HYLS1: variants seen among roughly 807,000 people sequenced by gnomAD.
The protein encoded by HYLS1 is centriolar and ciliogenesis-associated protein HYLS1.
Under a neutral mutation model 29.4 loss-of-function variants are expected in HYLS1, and 25 were observed. That is an observed-to-expected ratio of 0.85 (90% CI 0.62 to 1.19). The LOEUF is 1.19. HYLS1 is among the 50% of genes most tolerant of loss of function. The pLI is 0.00. For synonymous variants in HYLS1, 128 were observed against 126.7 expected (o/e 1.01, Z -0.07); for missense variants, 352 against 365.1 (o/e 0.96, Z 0.29).
At chr11:125,898,896 T>G (rs1441457390) in intron 2 of HYLS1, among the ~76,000 whole-genome samples, 2 of 152,106 alleles carry the variant, frequency 1.3e-5, no homozygotes, top group Non-Finnish European at 2.9e-5. Flanking sequence ...TTATTTAACT[T>G]CCCTGTGCCT....
rs35681508 is a variant in HYLS1 at position 125,895,633 on chromosome 11, G to A, written c.-25-3711G>A. The stretch of plus-strand genomic sequence containing the variant: ...CTAGCACTGAAGCTTGGTTCTACAG[G>A]GGCCCAGGCCAATATACGGATGTCT... On this transcript the variant is annotated intron_variant, in intron 2 of 2. Coordinates refer to ENST00000425380, the MANE Select transcript of HYLS1 (RefSeq NM_001134793.2). 0.033 allele frequency: 53,810 copies of A among 1,614,158 alleles called. 1,062 individuals are homozygous for A. Among genetic ancestry groups the A allele is most frequent in the Non-Finnish European group, 0.039 (46,164 of 1,180,002 alleles).
upstream of HYLS1, among the ~76,000 whole-genome samples, chr11:125,884,414 C>A (rs978830515): frequency 1.4e-5 from 2 of 146,226 alleles, no homozygotes; most frequent in East Asian, 4.0e-4. Flanking sequence ...TCGAGACCAT[C>A]CTGGCTAACA....
intron 1 of HYLS1, among the ~76,000 whole-genome samples, chr11:125,888,700 G>C (rs1198235834): frequency 6.6e-6 from 1 of 150,828 alleles, no homozygotes; most frequent in Admixed American, 6.6e-5. Flanking sequence ...ACCCGGGAGG[G>C]AGAGGTTGCA....
At chr11:125,894,813 C>T (rs1176487166) in intron 2 of HYLS1, among the ~76,000 whole-genome samples, 1 of 152,124 alleles carries the variant, frequency 6.6e-6, no homozygotes, top group African/African-American at 2.4e-5. Context: ...AACAGTAATA[C>T]CTCTTAACAT....
intron 2 of HYLS1, chr11:125,893,593 G>C (rs1173670200): frequency 2.1e-6 from 1 of 481,770 alleles, no homozygotes; most frequent in East Asian, 3.3e-5. Flanking sequence ...CTTTTGGACC[G>C]GGATAAGAGA....
rs779783404 is a variant in HYLS1 at position 125,900,067 on chromosome 11, T to A, written c.699T>A (p.His233Gln). Residue 233 changes from histidine to glutamine, a missense_variant, in exon 3 of 3, where the codon CAT becomes CAA. Transcript: ENST00000425380. ...WDSIRLPGED[H>Q]RKELRWGVRE... Reference sequence around the variant, plus strand: ...CAATACGTTTACCTGGTGAAGATCATAGAAAGGAATTACGCTGGGGTGTCC... The same window carrying A: ...CAATACGTTTACCTGGTGAAGATCAAAGAAAGGAATTACGCTGGGGTGTCC... The A allele has an allele frequency of 6.2e-7, 1 of 1,614,020 alleles. No individual in the cohort carries two copies. Among genetic ancestry groups the A allele is most frequent in the African/African-American group, 1.3e-5 (1 of 74,904 alleles).
chr11:125,887,247 C>T (rs1323072575), upstream of HYLS1: 1 of 152,456 alleles, frequency 6.6e-6, no homozygotes, highest in African/African-American at 2.4e-5. Context: ...ACTGGCCCCG[C>T]AGCAGCCAGT....
At position 125,900,247 on chromosome 11, in the gene HYLS1, C is replaced by A; in HGVS notation, c.879C>A (p.Pro293=). The part of the protein sequence containing the change: ...LANGVIPRKL[P]FPLSPS Reference sequence around the variant, plus strand: ...ATGGTGTCATACCCAGGAAGCTTCCCTTCCCTCTTTCTCCTTCTTAAATCT... The same window carrying A: ...ATGGTGTCATACCCAGGAAGCTTCCATTCCCTCTTTCTCCTTCTTAAATCT... The change falls in exon 3 of 3, where the codon CCC becomes CCA. Residue 293 remains proline (P), a synonymous_variant. Transcript: ENST00000425380. 1 of 1,613,854 alleles carries A rather than the reference C, an allele frequency of 6.2e-7. No individual in the cohort carries two copies. The highest frequency in any genetic ancestry group is 8.5e-7 in the Non-Finnish European group (1 of 1,179,772).
chr11:125,888,536 A>G (rs2134228662), intron 1 of HYLS1, among the ~76,000 whole-genome samples: 1 of 152,254 alleles, frequency 6.6e-6, no homozygotes, highest in African/African-American at 2.4e-5. Flanking sequence ...TGGGAGGCCG[A>G]GGTGGGCGGA....
chr11:125,889,713 G>A (rs1310502226), intron 1 of HYLS1, among the ~76,000 whole-genome samples: 1 of 151,376 alleles, frequency 6.6e-6, no homozygotes, highest in Admixed American at 6.6e-5. Flanking sequence ...ACTCCAGCCT[G>A]GGCGACAGAG....
upstream of HYLS1, among the ~76,000 whole-genome samples, chr11:125,884,581 C>A (rs896742603): frequency 2.6e-5 from 4 of 152,308 alleles, no homozygotes; most frequent in African/African-American, 9.6e-5. Flanking sequence ...TGCAGTCCGG[C>A]CTGGGTGAAA....
intron 1 of HYLS1, among the ~76,000 whole-genome samples, chr11:125,889,192 A>G (rs747196406): frequency 1.4e-4 from 22 of 152,354 alleles, no homozygotes; most frequent in African/African-American, 3.1e-4. Flanking sequence ...GTCAGTGTCG[A>G]TACGCATTAC....
At chr11:125,895,292 T>C (rs780519850) in intron 2 of HYLS1, 4 of 1,613,378 alleles carry the variant, frequency 2.5e-6, no homozygotes. Flanking sequence ...GCTTCTCCAT[T>C]CCTTGGCCAA....
At position 125,896,077 on chromosome 11, in the gene HYLS1, C is replaced by G. The variant is rs942910890; in HGVS notation, c.-25-3267C>G. 6 of 1,614,092 alleles carry G rather than the reference C, an allele frequency of 3.7e-6. No individual in the cohort carries two copies. The African/African-American group carries it at 4.0e-5, about 11-fold the overall frequency. The stretch of plus-strand genomic sequence containing the variant: ...CCCTGGTATCCCCAGCCCATATAGG[C>G]TATTCTTAGGGCTACGTGTCTTCGG... On this transcript the variant is annotated intron_variant, in intron 2 of 2. Coordinates refer to ENST00000425380, the MANE Select transcript of HYLS1 (RefSeq NM_001134793.2).
chr11:125,900,243 T>C lies in HYLS1; in HGVS notation c.875T>C (p.Leu292Pro). ...DLANGVIPRK[L>P]PFPLSPS ...GCAAATGGTGTCATACCCAGGAAGC[T>C]TCCCTTCCCTCTTTCTCCTTCTTAA... Residue 292 changes from leucine (L) to proline (P), a missense_variant, in exon 3 of 3, where the codon CTT becomes CCT. By Grantham distance (98) the Leu-to-Pro change is moderately conservative. Coordinates refer to ENST00000425380, the MANE Select transcript of HYLS1 (RefSeq NM_001134793.2). The C allele has an allele frequency of 6.2e-7, 1 of 1,614,224 alleles. No individual in the cohort carries two copies. The highest frequency in any genetic ancestry group is 8.5e-7 in the Non-Finnish European group (1 of 1,180,028).
At position 125,899,499 on chromosome 11, in the gene HYLS1, AATCT is replaced by A. The variant is rs762710007; in HGVS notation, c.135_138del (p.Ile46AsnfsTer10). The stretch of plus-strand genomic sequence containing the variant: ...GAAGGAGATGTCAGGAGAGAAGCCC[AATCT>A]ATCCAATATGATCCCTACAGTAAAG... On this transcript the variant is annotated frameshift_variant, in exon 3 of 3. Coordinates refer to ENST00000425380, the MANE Select transcript of HYLS1 (RefSeq NM_001134793.2). LOFTEE classifies it high-confidence loss of function. 1 of 1,614,188 alleles carries A rather than the reference AATCT, an allele frequency of 6.2e-7. No individual in the cohort carries two copies. Among genetic ancestry groups the A allele is most frequent in the Non-Finnish European group, 8.5e-7 (1 of 1,180,032 alleles).
intron 2 of HYLS1, among the ~76,000 whole-genome samples, chr11:125,891,697 G>C (rs1004975960): frequency 6.6e-6 from 1 of 152,108 alleles, no homozygotes; most frequent in African/African-American, 2.4e-5. Context: ...CATACAATGG[G>C]CAATTTTGAA....
chr11:125,886,330 T>G (rs1003548297), upstream of HYLS1, among the ~76,000 whole-genome samples: 2 of 152,180 alleles, frequency 1.3e-5, no homozygotes, highest in African/African-American at 2.4e-5. Flanking sequence ...GAGTAAGAGA[T>G]AATACGAAGT....
At chr11:125,888,039 C>G (rs1041064365) in intron 1 of HYLS1, 4 of 152,322 alleles carry the variant, frequency 2.6e-5, no homozygotes, top group African/African-American at 9.6e-5. Context: ...GTCTTTGCCC[C>G]GGTGGCCTTT....
Sources: allele counts gnomAD v4.1 joint callset (sites outside exome capture counted in the v4.1 genomes callset), GRCh38; gene constraint gnomAD v4.1.1; transcripts MANE v1.5; gene names NCBI Gene and HGNC (gene_info 2026-07-23, HGNC 2026-07-21).